The following ADAP2 variants were observed in gnomAD, a reference collection of about 807,000 sequenced individuals.
ADAP2 encodes the protein arf-GAP with dual PH domain-containing protein 2.
Under a neutral mutation model 54.9 loss-of-function variants are expected in ADAP2, and 42 were observed. That is an observed-to-expected ratio of 0.77 (90% CI 0.60 to 0.99). The LOEUF (loss-of-function observed/expected upper bound fraction) is 0.99, where lower values mean the gene tolerates loss of function less well. Among genes scored for constraint, ADAP2 ranks in the 50% least tolerant of loss-of-function variants. The probability of loss-of-function intolerance (pLI) is 0.00; values close to 1 mark genes in which losing one functional copy is unlikely to be tolerated. For synonymous variants in ADAP2, 177 were observed against 180.1 expected (o/e 0.98, Z 0.14); for missense variants, 429 against 480.4 (o/e 0.89, Z 1.00).
In ADAP2 at chr17:30,958,038, C is replaced by T. The variant is rs2142616789; in HGVS notation, c.*169C>T. 1 of 667,128 alleles carries T rather than the reference C, an allele frequency of 1.5e-6. No homozygotes were observed. Among genetic ancestry groups the T allele is most frequent in the Non-Finnish European group, 2.7e-6 (1 of 374,568 alleles). 41.3% of individuals were successfully genotyped at this position (667,128 alleles called of 1,614,324 possible). A position where few individuals can be genotyped will look rare whatever the true frequency, so the allele number is the denominator to read the frequency against. Reference sequence around the variant, plus strand: ...TGGCTTTATCCATCAGCTCCCTGGGCCTTCCCCGCAACCCACCTCGGGGAT... The same window carrying T: ...TGGCTTTATCCATCAGCTCCCTGGGTCTTCCCCGCAACCCACCTCGGGGAT... On this transcript the variant is annotated 3_prime_UTR_variant, in exon 11 of 11. Transcript: ENST00000330889.
At chr17:30,934,446 A>G in intron 5 of ADAP2, 149 bp downstream of exon 5, 2 of 598,556 alleles carry the variant, frequency 3.3e-6, no homozygotes, top group Non-Finnish European at 5.9e-6. Flanking sequence ...CCTTGGCTAT[A>G]CAGTAAATCC....
intron 5 of ADAP2, among the ~76,000 whole-genome samples, chr17:30,941,987 C>G (rs1912302707): frequency 6.6e-6 from 1 of 151,840 alleles, no homozygotes; most frequent in Non-Finnish European, 1.5e-5. Context: ...CTCACTGCAG[C>G]CTCCGCCTCC....
chr17:30,945,163 G>A, intron 6 of ADAP2, 110 bp downstream of exon 6: 2 of 1,286,076 alleles, frequency 1.6e-6, no homozygotes, highest in Non-Finnish European at 2.1e-6. Context: ...TGCCTCTTGA[G>A]ATTTTCTGCT....
intron 6 of ADAP2, 31 bp from the exon 7 acceptor site, chr17:30,949,254 CTG>C (rs746897235): frequency 3.0e-5 from 47 of 1,543,332 alleles, no homozygotes; most frequent in African/African-American, 2.9e-4. Flanking sequence ...CATCTCACTG[CTG>C]TGTGTGTGTC....
At chr17:30,955,710 AAAAG>A (rs905819929) in intron 9 of ADAP2, among the ~76,000 whole-genome samples, 5 of 151,084 alleles carry the variant, frequency 3.3e-5, no homozygotes, top group Non-Finnish European at 7.4e-5. Flanking sequence ...CAAAAAAAAA[AAAAG>A]AAAGAAAAAA....
At chr17:30,957,732 T>C in intron 10 of ADAP2, 103 bp from the exon 11 acceptor site, 1 of 1,184,200 alleles carries the variant, frequency 8.4e-7, no homozygotes, top group South Asian at 1.3e-5. Flanking sequence ...TGCCCGGCCA[T>C]GGCTCCCTCT....
At chr17:30,923,124 A>G in intron 2 of ADAP2, 54 bp downstream of exon 2, 1 of 1,602,652 alleles carries the variant, frequency 6.2e-7, no homozygotes, top group Non-Finnish European at 8.5e-7. Flanking sequence ...GAGTAGAGGC[A>G]GCGGGCAGGG....
chr17:30,927,385 G>A (rs1042833722), intron 3 of ADAP2, among the ~76,000 whole-genome samples: 3 of 152,040 alleles, frequency 2.0e-5, no homozygotes, highest in Non-Finnish European at 4.4e-5. Context: ...AAGCCGAAGC[G>A]GGCAGATCAC....
intron 5 of ADAP2, among the ~76,000 whole-genome samples, chr17:30,938,184 G>A (rs1035012744): frequency 1.3e-5 from 2 of 152,228 alleles, no homozygotes; most frequent in African/African-American, 4.8e-5. Context: ...GGAGGCCTCG[G>A]CTGTTCTGGT....
In ADAP2 at chr17:30,933,989, C is replaced by G. The variant is rs145699909; in HGVS notation, c.398-196C>G. Among the ~76,000 whole-genome samples, 523 of 152,294 alleles carry G rather than the reference C, an allele frequency of 3.4e-3. 6 individuals carry two copies. The highest frequency in any genetic ancestry group is 0.012 in the African/African-American group (505 of 41,570). ...AGGTTTTAGGCAGTGGGAAGTGCCC[C>G]TGAAGTGAAAAGACATCACAAAGTT... is the stretch of plus-strand genomic sequence containing the variant. On this transcript the variant is annotated intron_variant, in intron 4 of 10. Transcript: ENST00000330889.
intron 9 of ADAP2, 57 bp from the exon 10 acceptor site, chr17:30,956,184 G>T: frequency 6.6e-7 from 1 of 1,524,862 alleles, no homozygotes; most frequent in South Asian, 1.1e-5. Context: ...TGTCAGGGCT[G>T]CAGGGCCCCT....
chr17:30,930,617 G>A (rs1911402622), intron 3 of ADAP2, among the ~76,000 whole-genome samples: 1 of 152,178 alleles, frequency 6.6e-6, no homozygotes, highest in Non-Finnish European at 1.5e-5. Flanking sequence ...TCTGGAGAAA[G>A]CTCCATCAAT....
At chr17:30,936,290 G>C (rs1911874866) in intron 5 of ADAP2, among the ~76,000 whole-genome samples, 1 of 152,088 alleles carries the variant, frequency 6.6e-6, no homozygotes, top group Admixed American at 6.6e-5. Flanking sequence ...AAAGCACTGG[G>C]ATTGCAGATG....
At chr17:30,955,956 C>T (rs977408301) in intron 9 of ADAP2, among the ~76,000 whole-genome samples, 18 of 151,968 alleles carry the variant, frequency 1.2e-4, no homozygotes, top group Non-Finnish European at 2.1e-4. Flanking sequence ...TATGTTGTCC[C>T]GGTTGGTCTC....
intron 3 of ADAP2, 45 bp from the exon 4 acceptor site, chr17:30,931,844 A>AAAT: frequency 7.1e-7 from 1 of 1,409,430 alleles, no homozygotes; most frequent in Non-Finnish European, 9.8e-7. Flanking sequence ...AAAAAAAAAA[A>AAAT]GAGAATGCAT....
At chr17:30,945,291 C>A (rs1428081710) in intron 6 of ADAP2, among the ~76,000 whole-genome samples, 1 of 152,172 alleles carries the variant, frequency 6.6e-6, no homozygotes, top group Non-Finnish European at 1.5e-5. Flanking sequence ...CAGTGCACAG[C>A]CACCAATGAA....
intron 6 of ADAP2, 35 bp downstream of exon 6, chr17:30,945,088 C>T (rs1598047123): frequency 6.2e-7 from 1 of 1,609,100 alleles, no homozygotes; most frequent in Non-Finnish European, 8.5e-7. Flanking sequence ...CCGCCTCCAG[C>T]TCGCACCCCA....
At chr17:30,951,508 A>T (rs9890402) in intron 7 of ADAP2, among the ~76,000 whole-genome samples, 31,265 of 151,504 alleles carry the variant, frequency 0.21, 10,171 homozygotes, top group African/African-American at 0.7. Flanking sequence ...ATTTTTTTTT[A>T]ATTTTTTATA....
chr17:30,934,398 C>A, intron 5 of ADAP2, 101 bp downstream of exon 5: 1 of 786,662 alleles, frequency 1.3e-6, no homozygotes, highest in Non-Finnish European at 2.0e-6. Context: ...TAGATAATCT[C>A]AGCCCCTGAG....
Sources: allele counts gnomAD v4.1 joint callset (sites outside exome capture counted in the v4.1 genomes callset), GRCh38; gene constraint gnomAD v4.1.1; transcripts MANE v1.5; gene names NCBI Gene and HGNC (gene_info 2026-07-23, HGNC 2026-07-21).